CALN1: variants seen among roughly 807,000 people sequenced by gnomAD.
CALN1 encodes the protein calneuron 1.
A neutral mutation model predicts 30.6 loss-of-function variants in CALN1; 17 were observed. The ratio of observed to expected loss-of-function variants is 0.56; its 90% CI spans 0.38 to 0.83. The LOEUF (loss-of-function observed/expected upper bound fraction) is 0.83, where lower values mean the gene tolerates loss of function less well. CALN1 is among the 40% of genes least tolerant of loss of function. The pLI, the probability that CALN1 is intolerant of heterozygous loss-of-function variation, is 0.00. For synonymous variants in CALN1, 156 were observed against 131.4 expected, an observed-to-expected ratio of 1.19 and a Z score of -1.28; for missense variants, 291 against 354.9, an observed-to-expected ratio of 0.82 and a Z score of 1.45.
At chr7:72,400,923 GAC>G (rs760393820) in intron 2 of CALN1, among the ~76,000 whole-genome samples, 38 of 152,126 alleles carry the variant, frequency 2.5e-4, no homozygotes, top group Non-Finnish European at 3.7e-4. Flanking sequence ...TGGAAGATGA[GAC>G]ACATCAAGGA....
chr7:71,809,216 C>T (rs1787792750), intron 6 of CALN1, among the ~76,000 whole-genome samples: 1 of 152,080 alleles, frequency 6.6e-6, no homozygotes, highest in Non-Finnish European at 1.5e-5. Flanking sequence ...ATCTCCTGTT[C>T]CCTCCTGTCG....
chr7:72,389,573 G>A (rs938373897), intron 2 of CALN1, among the ~76,000 whole-genome samples: 3 of 152,186 alleles, frequency 2.0e-5, no homozygotes, highest in Non-Finnish European at 4.4e-5. Flanking sequence ...TCAAATGACT[G>A]TTGTTATCTT....
intron 2 of CALN1, among the ~76,000 whole-genome samples, chr7:72,388,903 G>A (rs189792381): frequency 6.6e-6 from 1 of 152,150 alleles, no homozygotes; most frequent in African/African-American, 2.4e-5. Context: ...CCTGGTATCT[G>A]CCCTGAGTGT....
At chr7:72,389,927 TAA>T (rs35329864) in intron 2 of CALN1, among the ~76,000 whole-genome samples, 34 of 138,834 alleles carry the variant, frequency 2.4e-4, no homozygotes, top group South Asian at 6.7e-4. Context: ...AAACCCCATC[TAA>T]AAAAAAAAAA....
intron 2 of CALN1, among the ~76,000 whole-genome samples, chr7:72,341,246 A>C (rs1440655845): frequency 7.2e-5 from 11 of 152,196 alleles, no homozygotes. Flanking sequence ...GGTAGGGCCA[A>C]GCACGGTGGC....
chr7:72,278,409 C>A (rs1421399134), intron 3 of CALN1, among the ~76,000 whole-genome samples: 3 of 151,682 alleles, frequency 2.0e-5, no homozygotes, highest in Admixed American at 2.0e-4. Flanking sequence ...GAAGGCTATC[C>A]CCCCAGTCAC....
chr7:71,831,466 C>A (rs1789270679), intron 5 of CALN1, among the ~76,000 whole-genome samples: 1 of 152,030 alleles, frequency 6.6e-6, no homozygotes, highest in Admixed American at 6.6e-5. Context: ...GGCAACAGAG[C>A]AAGACCCTGT....
chr7:71,802,979 G>C (rs575508180), intron 6 of CALN1, among the ~76,000 whole-genome samples: 1 of 151,956 alleles, frequency 6.6e-6, no homozygotes, highest in African/African-American at 2.4e-5. Context: ...AGCTGAGATC[G>C]CGCCACTGCA....
At chr7:72,099,288 T>TG (rs1806474384) in intron 4 of CALN1, among the ~76,000 whole-genome samples, 2 of 151,262 alleles carry the variant, frequency 1.3e-5, no homozygotes, top group South Asian at 4.2e-4. Flanking sequence ...TTTTTTTTTT[T>TG]TTTTTGGCAT....
chr7:71,904,261 C>G (rs956885097), intron 5 of CALN1, among the ~76,000 whole-genome samples: 1 of 152,110 alleles, frequency 6.6e-6, no homozygotes, highest in African/African-American at 2.4e-5. Context: ...TTGTTTGTTA[C>G]AGCAGTATTC....
intron 6 of CALN1, among the ~76,000 whole-genome samples, chr7:71,790,156 G>GAAAGAA (rs10616699): frequency 2.1e-5 from 3 of 142,476 alleles, no homozygotes; most frequent in Non-Finnish European, 3.0e-5. Context: ...AGAAGAAAGA[G>GAAAGAA]AAAGAAAAAG....
intron 2 of CALN1, among the ~76,000 whole-genome samples, chr7:72,364,561 C>A (rs1393285567): frequency 3.9e-5 from 6 of 152,080 alleles, no homozygotes; most frequent in Admixed American, 6.6e-5. Context: ...TAGAAAAGTG[C>A]CTGGCAAAGT....
intron 3 of CALN1, among the ~76,000 whole-genome samples, chr7:72,118,676 A>T (rs1043326515): frequency 3.3e-5 from 5 of 152,056 alleles, no homozygotes; most frequent in Non-Finnish European, 7.3e-5. Context: ...GCCAAAAGGA[A>T]AATGAGTGGA....
chr7:72,029,126 G>C (rs985926475), intron 4 of CALN1, among the ~76,000 whole-genome samples: 2 of 151,944 alleles, frequency 1.3e-5, no homozygotes, highest in Non-Finnish European at 2.9e-5. Flanking sequence ...TCTAATATTT[G>C]GTCTTTTTTT....
intron 6 of CALN1, among the ~76,000 whole-genome samples, chr7:71,791,255 T>TA (rs1197939046): frequency 6.6e-6 from 1 of 152,210 alleles, no homozygotes; most frequent in Non-Finnish European, 1.5e-5. Flanking sequence ...GATGGCCATT[T>TA]AGGTTGATTC....
chr7:72,344,324 G>T (rs1338214128), intron 2 of CALN1, among the ~76,000 whole-genome samples: 2 of 152,008 alleles, frequency 1.3e-5, no homozygotes, highest in Non-Finnish European at 2.9e-5. Flanking sequence ...GTTTGGGGAT[G>T]AATTTTTGTT....
At chr7:71,828,241 C>T (rs1022347681) in intron 5 of CALN1, among the ~76,000 whole-genome samples, 3 of 152,058 alleles carry the variant, frequency 2.0e-5, no homozygotes, top group East Asian at 1.9e-4. Context: ...TGATCTGACC[C>T]GCTGGAGTGC....
chr7:72,491,158 G>A, the CALN1 span, among the ~76,000 whole-genome samples: 11 of 151,760 alleles, frequency 7.2e-5, no homozygotes, highest in African/African-American at 2.7e-4. Flanking sequence ...GCAGGAGAAT[G>A]GCGTGAACCC....
chr7:72,195,883 A>G (rs1171294969), intron 3 of CALN1, among the ~76,000 whole-genome samples: 2 of 152,224 alleles, frequency 1.3e-5, no homozygotes, highest in African/African-American at 4.8e-5. Flanking sequence ...TATCTATCCA[A>G]TGGAATATGA....
Sources: gnomAD v4.1 joint callset for allele counts (sites outside exome capture counted in the v4.1 genomes callset) on GRCh38, gnomAD v4.1.1 for gene constraint, MANE v1.5 for transcripts, NCBI Gene and HGNC (gene_info 2026-07-23, HGNC 2026-07-21) for gene names.